CREB5: variants seen among roughly 807,000 people sequenced by gnomAD.
CREB5 encodes cAMP responsive element binding protein 5, also known as cyclic AMP-responsive element-binding protein 5.
A neutral mutation model predicts 57.1 loss-of-function variants in CREB5; 19 were observed. That is an observed-to-expected ratio of 0.33 (90% confidence interval 0.23 to 0.49). The LOEUF is 0.49. CREB5 is among the 20% of genes least tolerant of loss of function. The pLI is 0.99. For synonymous variants in CREB5, 238 were observed against 238.3 expected (o/e 1.00, Z 0.01); for missense variants, 579 against 671.6 (o/e 0.86, Z 1.52).
At chr7:28,691,419 C>CAAAAAAA (rs1562574947) in intron 5 of CREB5, among the ~76,000 whole-genome samples, 1 of 91,996 alleles carries the variant, frequency 1.1e-5, no homozygotes, top group Non-Finnish European at 2.2e-5. Flanking sequence ...GACTCTGTCT[C>CAAAAAAA]CAAAAAAAAA....
At chr7:28,433,990 C>G (rs758749587) in intron 1 of CREB5, among the ~76,000 whole-genome samples, 1 of 152,058 alleles carries the variant, frequency 6.6e-6, no homozygotes, top group Non-Finnish European at 1.5e-5. Context: ...TGAAGAGAAT[C>G]TCCTATGAGA....
intron 5 of CREB5, among the ~76,000 whole-genome samples, chr7:28,710,041 C>G (rs772051807): frequency 7.2e-5 from 11 of 152,106 alleles, no homozygotes; most frequent in Non-Finnish European, 1.2e-4. Flanking sequence ...TATCCTTGGC[C>G]TTTTCTTATG....
intron 1 of CREB5, among the ~76,000 whole-genome samples, chr7:28,388,647 A>T (rs1172807340): frequency 6.6e-6 from 1 of 152,220 alleles, no homozygotes; most frequent in African/African-American, 2.4e-5. Context: ...CTGATGAAGA[A>T]ACTAAGGCGC....
chr7:28,304,787 G>T (rs1432618151), intron 1 of CREB5, among the ~76,000 whole-genome samples: 1 of 152,150 alleles, frequency 6.6e-6, no homozygotes, highest in Non-Finnish European at 1.5e-5. Context: ...ACATTTCCAT[G>T]ATAGACTATT....
intron 1 of CREB5, among the ~76,000 whole-genome samples, chr7:28,354,212 A>G (rs775106298): frequency 2.2e-4 from 33 of 152,174 alleles, no homozygotes; most frequent in Admixed American, 1.8e-3. Context: ...GATGCAAAGT[A>G]TTGATCCTGG....
intron 7 of CREB5, among the ~76,000 whole-genome samples, chr7:28,745,490 GC>G (rs1224595661): frequency 1.3e-5 from 2 of 152,218 alleles, no homozygotes; most frequent in Non-Finnish European, 2.9e-5. Context: ...TGAATCCATA[GC>G]CAGGCTCAGA....
intron 5 of CREB5, among the ~76,000 whole-genome samples, chr7:28,681,616 G>A (rs1325027645): frequency 1.3e-5 from 2 of 152,150 alleles, no homozygotes; most frequent in Non-Finnish European, 2.9e-5. Context: ...TCTCTGCCCT[G>A]GAGAAGCAAA....
chr7:28,634,283 G>A (rs1798322054), intron 5 of CREB5, among the ~76,000 whole-genome samples: 1 of 152,124 alleles, frequency 6.6e-6, no homozygotes, highest in African/African-American at 2.4e-5. Context: ...CTTCAATTAT[G>A]TCACTTCCCT....
At chr7:28,350,940 C>G (rs1474262023) in intron 1 of CREB5, among the ~76,000 whole-genome samples, 2 of 152,212 alleles carry the variant, frequency 1.3e-5, no homozygotes, top group Non-Finnish European at 1.5e-5. Context: ...TTGAGTTGGA[C>G]TTTGTGTCAG....
chr7:28,414,339 A>T (rs904445996), intron 1 of CREB5, among the ~76,000 whole-genome samples: 5 of 151,650 alleles, frequency 3.3e-5, no homozygotes, highest in Non-Finnish European at 7.4e-5. Flanking sequence ...CAGTGATCTC[A>T]GTCAATTCAT....
chr7:28,796,696 C>A (rs1296750895), intron 7 of CREB5, among the ~76,000 whole-genome samples: 1 of 152,186 alleles, frequency 6.6e-6, no homozygotes, highest in Non-Finnish European at 1.5e-5. Context: ...GACATTCACC[C>A]AACTCATTTC....
intron 1 of CREB5, among the ~76,000 whole-genome samples, chr7:28,407,230 A>G (rs754829957): frequency 8.5e-5 from 13 of 152,082 alleles, no homozygotes; most frequent in Non-Finnish European, 1.9e-4. Context: ...TTGTATTTTC[A>G]GTAGAGACGG....
At chr7:28,530,799 C>T (rs1332842005) in intron 4 of CREB5, among the ~76,000 whole-genome samples, 1 of 152,218 alleles carries the variant, frequency 6.6e-6, no homozygotes, top group Non-Finnish European at 1.5e-5. Flanking sequence ...AGTCCCCACT[C>T]ATCTCCACCC....
chr7:28,636,777 T>C (rs1798437143), intron 5 of CREB5, among the ~76,000 whole-genome samples: 1 of 152,214 alleles, frequency 6.6e-6, no homozygotes, highest in African/African-American at 2.4e-5. Flanking sequence ...TGCCTTAGTT[T>C]AGGGCCTCAT....
At chr7:28,409,074 C>G (rs966391097), upstream of CREB5, among the ~76,000 whole-genome samples, 2 of 151,984 alleles carry the variant, frequency 1.3e-5, no homozygotes, top group African/African-American at 4.8e-5. The surrounding 1 kb of genome is among the most constrained non-coding windows in gnomAD (Gnocchi z 4.4). Flanking sequence ...TCCAAGCTGA[C>G]TCACACCACT....
intron 5 of CREB5, among the ~76,000 whole-genome samples, chr7:28,656,512 A>G (rs1799338660): frequency 1.3e-5 from 2 of 152,226 alleles, no homozygotes; most frequent in South Asian, 4.1e-4. Flanking sequence ...AAATCAGATT[A>G]TTATCATAGC....
intron 1 of CREB5, among the ~76,000 whole-genome samples, chr7:28,352,535 A>G (rs1230005931): frequency 6.6e-6 from 1 of 152,216 alleles, no homozygotes; most frequent in Non-Finnish European, 1.5e-5. Context: ...GACACTGTTA[A>G]GGACCTGATT....
At chr7:28,383,845 T>G (rs1239664769) in intron 1 of CREB5, among the ~76,000 whole-genome samples, 3 of 152,186 alleles carry the variant, frequency 2.0e-5, no homozygotes, top group African/African-American at 4.8e-5. Flanking sequence ...GAAGTTAGGA[T>G]GCATTTCCTT....
intron 7 of CREB5, among the ~76,000 whole-genome samples, chr7:28,734,959 C>T (rs1391033617): frequency 1.3e-5 from 2 of 152,080 alleles, no homozygotes; most frequent in African/African-American, 4.8e-5. Context: ...GTACCAGAAT[C>T]CAGGGAACTA....
Sources: gnomAD v4.1 joint callset for allele counts (sites outside exome capture counted in the v4.1 genomes callset) on GRCh38, gnomAD v4.1.1 for gene constraint, Gnocchi (gnomAD v3.1) non-coding constraint, MANE v1.5 for transcripts, NCBI Gene and HGNC (gene_info 2026-07-23, HGNC 2026-07-21) for gene names.